LAMC1: variants seen among roughly 807,000 people sequenced by gnomAD.
LAMC1 encodes laminin subunit gamma 1, also known as laminin subunit gamma-1.
A neutral mutation model predicts 173.6 loss-of-function variants in LAMC1; 38 were observed. The ratio of observed to expected loss-of-function variants is 0.22; its 90% CI spans 0.17 to 0.29. The LOEUF (loss-of-function observed/expected upper bound fraction) is 0.29. Ranked by LOEUF, LAMC1 falls within the 10% of genes least tolerant of loss-of-function variation. The pLI, the probability that LAMC1 is intolerant of heterozygous loss-of-function variation, is 1.00. For missense variants in LAMC1, 1,824 were observed against 2,051.8 expected (o/e 0.89, Z 2.14); for synonymous variants, 746 against 749.1 (o/e 1.00, Z 0.07).
At position 183,137,665 on chromosome 1, in the gene LAMC1, C is replaced by T; in HGVS notation, c.4315-4C>T. The T allele has an allele frequency of 1.3e-6, 2 of 1,557,624 alleles. No homozygotes were observed. The highest frequency in any genetic ancestry group is 1.7e-6 in the Non-Finnish European group (2 of 1,154,356). ...AAAAAAGTACAATTTTCTTTTGTGC[C>T]TAGAATGCCACCAGCACCAAGGCAG... On this transcript the variant is annotated splice_polypyrimidine_tract_variant and splice_region_variant and intron_variant, in intron 25 of 27. Transcript: ENST00000258341.
At chr1:183,033,335 G>C (rs963979593) in intron 1 of LAMC1, among the ~76,000 whole-genome samples, 3 of 152,218 alleles carry the variant, frequency 2.0e-5, no homozygotes, top group Non-Finnish European at 4.4e-5. Flanking sequence ...AGGCAGTGGA[G>C]CATGGGAAAC....
At chr1:183,127,653 C>T (rs1656658525) in intron 17 of LAMC1, among the ~76,000 whole-genome samples, 1 of 152,182 alleles carries the variant, frequency 6.6e-6, no homozygotes. Flanking sequence ...GGCCTCTCTA[C>T]AGAATTCATC....
intron 1 of LAMC1, among the ~76,000 whole-genome samples, chr1:183,081,427 A>G (rs1416473490): frequency 1.3e-5 from 2 of 151,666 alleles, no homozygotes; most frequent in African/African-American, 2.4e-5. Context: ...GTGAAACCCC[A>G]TCTCTACTGA....
intron 2 of LAMC1, 50 bp downstream of exon 2, chr1:183,103,682 G>A (rs1346766037): frequency 2.0e-6 from 3 of 1,478,856 alleles, no homozygotes; most frequent in Non-Finnish European, 2.7e-6. Context: ...CAACATGCGA[G>A]GTGTGGGAAG....
chr1:183,135,693 G>C (rs1294649379), intron 24 of LAMC1, among the ~76,000 whole-genome samples: 2 of 151,816 alleles, frequency 1.3e-5, no homozygotes, highest in Non-Finnish European at 2.9e-5. Flanking sequence ...TCCTCACTGG[G>C]GAATATAGTG....
chr1:183,095,442 T>TGAAA (rs1430133359), intron 1 of LAMC1, among the ~76,000 whole-genome samples: 1 of 152,210 alleles, frequency 6.6e-6, no homozygotes, highest in Non-Finnish European at 1.5e-5. Flanking sequence ...TCCCACACAA[T>TGAAA]TATGGTGTCT....
At chr1:183,080,088 CAA>C (rs1014844956) in intron 1 of LAMC1, among the ~76,000 whole-genome samples, 28 of 151,894 alleles carry the variant, frequency 1.8e-4, no homozygotes, top group African/African-American at 2.4e-5. Context: ...ACTAAAAATA[CAA>C]AAAATTAGCC....
At position 183,023,914 on chromosome 1, in the gene LAMC1, C is replaced by A. The variant is rs1285389905; in HGVS notation, c.198C>A (p.Thr66=). ...NAAFNVTVVA[T]NTCGTPPEEY... ...CCTTCAACGTGACTGTGGTGGCCAC[C>A]AACACGTGTGGGACTCCGCCCGAGG... Residue 66 remains threonine, a synonymous_variant, in exon 1 of 28, where the codon ACC becomes ACA. Transcript: ENST00000258341. 1 of 1,613,188 alleles carries A rather than the reference C, an allele frequency of 6.2e-7. No homozygotes were observed. The highest frequency in any genetic ancestry group is 2.2e-5 in the East Asian group (1 of 44,854).
chr1:183,139,983 C>T (rs1657060008), intron 26 of LAMC1, among the ~76,000 whole-genome samples: 1 of 151,946 alleles, frequency 6.6e-6, no homozygotes. Context: ...TAATAAGTCC[C>T]TAAGAGTGTC....
intron 4 of LAMC1, among the ~76,000 whole-genome samples, chr1:183,112,334 T>G (rs1209830245): frequency 1.3e-5 from 2 of 152,240 alleles, no homozygotes; most frequent in Non-Finnish European, 2.9e-5. Context: ...TGGACATGTG[T>G]GCTTGAAAAG....
chr1:183,132,803 AAATAT>A (rs1463209047), intron 21 of LAMC1, among the ~76,000 whole-genome samples: 10 of 152,342 alleles, frequency 6.6e-5, no homozygotes, highest in South Asian at 2.1e-4. Flanking sequence ...AAAGAAGAAA[AAATAT>A]AATAGAGTAA....
At chr1:183,103,044 T>C (rs1655874278) in intron 1 of LAMC1, among the ~76,000 whole-genome samples, 1 of 152,248 alleles carries the variant, frequency 6.6e-6, no homozygotes, top group Admixed American at 6.5e-5. Flanking sequence ...TTTTAATTAA[T>C]AGTATAAGTA....
chr1:183,093,141 G>A (rs1314257949), intron 1 of LAMC1, among the ~76,000 whole-genome samples: 1 of 152,052 alleles, frequency 6.6e-6, no homozygotes, highest in Non-Finnish European at 1.5e-5. Context: ...GCTCTCCCCT[G>A]TCTCTAACAG....
intron 27 of LAMC1, 84 bp downstream of exon 27, chr1:183,140,587 A>C (rs1198807519): frequency 1.4e-6 from 1 of 695,036 alleles, no homozygotes; most frequent in African/African-American, 1.8e-5. Flanking sequence ...TTGACTCAAA[A>C]GCAGATGATA....
In LAMC1 at chr1:183,066,135, G is replaced by A. The variant is rs537235936; in HGVS notation, c.419-37193G>A. Reference sequence around the variant, plus strand: ...CTTTTAAACTATATCCTTTTACCAAGTGTACTGTACTTTCTGTAGTTTGTG... The same window carrying A: ...CTTTTAAACTATATCCTTTTACCAAATGTACTGTACTTTCTGTAGTTTGTG... On this transcript the variant is annotated intron_variant, in intron 1 of 27. Transcript: ENST00000258341. 2.8e-4 allele frequency among the ~76,000 whole-genome samples: 42 copies of A among 152,238 alleles called. 1 individual carries two copies. In the South Asian group the frequency reaches 7.0e-3, roughly 26 times the overall value.
chr1:183,122,988 T>C (rs1656520830), intron 13 of LAMC1, among the ~76,000 whole-genome samples: 1 of 152,182 alleles, frequency 6.6e-6, no homozygotes, highest in Admixed American at 6.5e-5. Context: ...TCCGTGCTGA[T>C]TTGATTGTGT....
intron 3 of LAMC1, among the ~76,000 whole-genome samples, chr1:183,110,117 C>T (rs3768624): frequency 0.52 from 78,564 of 151,926 alleles, 21,004 homozygotes; most frequent in South Asian, 0.65. Flanking sequence ...TTAAGTTACA[C>T]TGGTAAGTGA....
chr1:183,101,309 T>C (rs765603208), intron 1 of LAMC1, among the ~76,000 whole-genome samples: 2 of 151,968 alleles, frequency 1.3e-5, no homozygotes, highest in Non-Finnish European at 2.9e-5. Context: ...TACTGTACTA[T>C]AACCTCGCCC....
chr1:183,085,442 A>C (rs564047893), intron 1 of LAMC1, among the ~76,000 whole-genome samples: 1 of 152,208 alleles, frequency 6.6e-6, no homozygotes, highest in East Asian at 1.9e-4. Flanking sequence ...GACTCACTGC[A>C]GCCTCGACCT....
Sources: allele counts gnomAD v4.1 joint callset (sites outside exome capture counted in the v4.1 genomes callset), GRCh38; gene constraint gnomAD v4.1.1; transcripts MANE v1.5; gene names NCBI Gene and HGNC (gene_info 2026-07-23, HGNC 2026-07-21).